Variants in CACNA1E observed in about 807,000 individuals in gnomAD.
CACNA1E encodes the protein voltage-dependent R-type calcium channel subunit alpha-1E.
CACNA1E carries 40 observed loss-of-function variants against 259.2 expected under a neutral mutation model. The observed-to-expected ratio is 0.15, with a 90% CI of 0.12 to 0.20. The LOEUF is 0.20. CACNA1E is among the 10% of genes least tolerant of loss of function. The pLI, the probability that CACNA1E is intolerant of heterozygous loss-of-function variation, is 1.00. For missense variants in CACNA1E, 1,874 were observed against 3,040.1 expected (o/e 0.62, Z 9.02); for synonymous variants, 1,104 against 1,138.5 (o/e 0.97, Z 0.61).
intron 3 of CACNA1E, among the ~76,000 whole-genome samples, chr1:181,536,134 G>A (rs1033082624): frequency 1.3e-5 from 2 of 151,952 alleles, no homozygotes; most frequent in African/African-American, 4.8e-5. Context: ...GGCATTTTAA[G>A]ATTTCTATTT....
At chr1:181,474,309 C>T (rs530033442) in intron 2 of CACNA1E, among the ~76,000 whole-genome samples, 7 of 152,158 alleles carry the variant, frequency 4.6e-5, no homozygotes, top group African/African-American at 1.4e-4. Flanking sequence ...TGTGTGTGTC[C>T]AAGGAGTTGG....
rs1483950340 is a variant in CACNA1E at position 181,800,870 on chromosome 1, A to G, written c.*2036A>G. ...TGACCCACGGTCAGCCCCCAAACCA[A>G]AGTTGTCCCAACAGAGGAGGCCAGT... On this transcript the variant is annotated 3_prime_UTR_variant, in exon 48 of 48. Transcript: ENST00000367573. 6.6e-6 allele frequency: 1 copy of G among 152,600 alleles called. No individual in the cohort carries two copies. Among genetic ancestry groups the G allele is most frequent in the African/African-American group, 2.4e-5 (1 of 41,438 alleles). The allele number at this position is 152,600 out of a possible 1,614,324, so 9.5% of individuals were successfully genotyped here.
At position 181,593,512 on chromosome 1, in the gene CACNA1E, A is replaced by G. The variant is rs897029193; in HGVS notation, c.951+12736A>G. 4.6e-5 allele frequency among the ~76,000 whole-genome samples: 7 copies of G among 152,186 alleles called. 1 individual carries two copies. The highest frequency in any genetic ancestry group is 1.0e-4 in the Non-Finnish European group (7 of 68,032). On this transcript the variant is annotated intron_variant, in intron 6 of 47. Transcript: ENST00000367573. ...GAATAACTGGTGAAACCTATGTTGC[A>G]GTTGCTTCCAAATTCAAACATGTTT...
intron 1 of CACNA1E, among the ~76,000 whole-genome samples, chr1:181,393,254 C>T (rs1394287082): frequency 6.6e-6 from 1 of 152,164 alleles, no homozygotes; most frequent in Non-Finnish European, 1.5e-5. Context: ...AAACCTGTGC[C>T]TCAGTTTTCC....
intron 3 of CACNA1E, among the ~76,000 whole-genome samples, chr1:181,517,660 A>C (rs2102657203): frequency 6.6e-6 from 1 of 152,130 alleles, no homozygotes; most frequent in East Asian, 1.9e-4. Context: ...GGAGTGCTGC[A>C]GTAAAGCTGG....
intron 40 of CACNA1E, 86 bp from the exon 41 acceptor site, chr1:181,784,575 C>A: frequency 1.2e-6 from 1 of 825,916 alleles, no homozygotes; most frequent in Non-Finnish European, 1.9e-6. Context: ...AGGTGCCCTG[C>A]TGATTCAGCT....
chr1:181,565,345 G>A (rs972339243), intron 3 of CACNA1E, among the ~76,000 whole-genome samples: 1 of 152,124 alleles, frequency 6.6e-6, no homozygotes, highest in Non-Finnish European at 1.5e-5. Context: ...GCAGAAATAG[G>A]GCTCCAGGTC....
chr1:181,485,021 G>A lies in CACNA1E; in HGVS notation c.266+1011G>A, dbSNP rs1663665052. On this transcript the variant is annotated intron_variant, in intron 1 of 47. Transcript: ENST00000367573. This position sits in a 1 kb window ranked among gnomAD's most constrained non-coding sequence, Gnocchi z 4.2. ...GCTCACTGCCTTGTTCTTCACTAAG[G>A]ATTGGACGCCTGGCAAGGCCATTGG... Among the ~76,000 whole-genome samples, 1 of 152,256 alleles carries A rather than the reference G, an allele frequency of 6.6e-6. No individual in the cohort carries two copies. Among genetic ancestry groups the A allele is most frequent in the African/African-American group, 2.4e-5 (1 of 41,478 alleles).
chr1:181,793,543 A>G, intron 44 of CACNA1E, 122 bp from the exon 45 acceptor site: 1 of 1,007,336 alleles, frequency 9.9e-7, no homozygotes, highest in Non-Finnish European at 1.4e-6. Flanking sequence ...TACAACTGAG[A>G]CCTTAAAGCT....
At chr1:181,563,307 A>G (rs1369553598) in intron 3 of CACNA1E, among the ~76,000 whole-genome samples, 3 of 152,194 alleles carry the variant, frequency 2.0e-5, no homozygotes, top group Admixed American at 6.5e-5. Context: ...AAGTAGAACA[A>G]TGGAAAAATA....
chr1:181,473,610 G>A (rs988579387), intron 2 of CACNA1E, among the ~76,000 whole-genome samples: 9 of 152,194 alleles, frequency 5.9e-5, no homozygotes, highest in Admixed American at 1.3e-4. Context: ...CAGGACTGAG[G>A]TGCAAGCCTC....
In CACNA1E at chr1:181,514,197, A is replaced by G. The variant is rs1408950278; in HGVS notation, c.512+2687A>G. The stretch of plus-strand genomic sequence containing the variant: ...TGTGGCTCTAAGATGCACGTTTTTC[A>G]TGCTGGAACATTGCTGAAATCAGCC... On this transcript the variant is annotated intron_variant, in intron 3 of 47. Transcript: ENST00000367573. 4.6e-5 allele frequency among the ~76,000 whole-genome samples: 7 copies of G among 152,298 alleles called. No individual in the cohort carries two copies. The South Asian group carries it at 1.5e-3, about 32-fold the overall frequency.
intron 2 of CACNA1E, among the ~76,000 whole-genome samples, chr1:181,464,287 T>C (rs1571930068): frequency 6.6e-6 from 1 of 152,240 alleles, no homozygotes; most frequent in East Asian, 1.9e-4. Flanking sequence ...ATGGAATAAA[T>C]GGATAGATTA....
At chr1:181,670,155 T>C (rs1648648174) in intron 7 of CACNA1E, among the ~76,000 whole-genome samples, 1 of 152,228 alleles carries the variant, frequency 6.6e-6, no homozygotes, top group Non-Finnish European at 1.5e-5. Context: ...CCCCACATCA[T>C]TCTGAGGTTA....
At chr1:181,632,247 C>T (rs1208507645) in intron 6 of CACNA1E, among the ~76,000 whole-genome samples, 1 of 152,118 alleles carries the variant, frequency 6.6e-6, no homozygotes, top group African/African-American at 2.4e-5. Context: ...ATGAGCAATG[C>T]TTGTGCCTTT....
At chr1:181,740,290 G>GT (rs1385771729) in intron 25 of CACNA1E, among the ~76,000 whole-genome samples, 1 of 152,168 alleles carries the variant, frequency 6.6e-6, no homozygotes, top group Admixed American at 6.5e-5. Flanking sequence ...ATCTTCATAC[G>GT]TTTACCCTTC....
rs866117834 is a variant in CACNA1E, at chr1:181,732,542, C to A, written c.2456C>A (p.Pro819Gln). Residue 819 changes from proline to glutamine, a missense_variant, in exon 20 of 48, where the codon CCG becomes CAG. Transcript: ENST00000367573. The surrounding 1 kb of genome is among the most constrained non-coding windows in gnomAD (Gnocchi z 5.5). Reference sequence around the variant, plus strand: ...CTCAACCCGCTCAGCTCCCTCAACCCGCTCAATGCCCACCCCAGCCTTTAT... The same window carrying A: ...CTCAACCCGCTCAGCTCCCTCAACCAGCTCAATGCCCACCCCAGCCTTTAT... ...NPLNPLSSLN[P>Q]LNAHPSLYRR... 2 of 1,550,270 alleles carry A rather than the reference C, an allele frequency of 1.3e-6. No individual in the cohort carries two copies. The highest frequency in any genetic ancestry group is 1.7e-6 in the Non-Finnish European group (2 of 1,146,294).
At chr1:181,446,595 G>A (rs1660802508) in intron 2 of CACNA1E, among the ~76,000 whole-genome samples, 2 of 152,270 alleles carry the variant, frequency 1.3e-5, no homozygotes, top group East Asian at 3.9e-4. Context: ...CAGCTTCTTG[G>A]CTTGGGCTCT....
intron 2 of CACNA1E, among the ~76,000 whole-genome samples, chr1:181,476,921 T>C (rs904783374): frequency 1.3e-5 from 2 of 152,142 alleles, no homozygotes; most frequent in African/African-American, 4.8e-5. Context: ...CATGGGATCC[T>C]TTGCTGTCTG....
Sources: allele counts gnomAD v4.1 joint callset (sites outside exome capture counted in the v4.1 genomes callset), GRCh38; gene constraint gnomAD v4.1.1; non-coding constraint Gnocchi (gnomAD v3.1); transcripts MANE v1.5; gene names NCBI Gene and HGNC (gene_info 2026-07-23, HGNC 2026-07-21).